Variants in LAMA1 observed in about 807,000 individuals in gnomAD.
The protein encoded by LAMA1 is laminin subunit alpha 1.
Under a neutral mutation model 348.7 loss-of-function variants are expected in LAMA1, and 219 were observed. The ratio of observed to expected loss-of-function variants is 0.63; its 90% CI spans 0.56 to 0.70. LAMA1 has a LOEUF of 0.70. LAMA1 is among the 30% of genes least tolerant of loss of function. The pLI, the probability that LAMA1 is intolerant of heterozygous loss-of-function variation, is 0.00. For missense variants in LAMA1, 3,744 were observed against 3,888.0 expected (o/e 0.96, Z 0.99); for synonymous variants, 1,487 against 1,491.0 (o/e 1.00, Z 0.06).
chr18:7,048,226 G>A (rs931993135), intron 5 of LAMA1, among the ~76,000 whole-genome samples: 1 of 152,062 alleles, frequency 6.6e-6, no homozygotes, highest in Non-Finnish European at 1.5e-5. Context: ...AAATCTGATC[G>A]TATACTAGTA....
rs1341166007 is a variant in LAMA1, at chr18:7,079,961, CT to C, written c.345+13del. The C allele has an allele frequency of 1.3e-6, 2 of 1,579,042 alleles. No homozygotes were observed. Among genetic ancestry groups the C allele is most frequent in the Non-Finnish European group, 1.7e-6 (2 of 1,148,202 alleles). ...AGCCTGTAGACACTCTTCAATGGTT[CT>C]GGGCTCACCTACCTGTCTTAAGTCC... is the stretch of plus-strand genomic sequence containing the variant. On this transcript the variant is annotated intron_variant, in intron 3 of 62. Transcript: ENST00000389658.
At chr18:7,003,452 A>G (rs1035558032) in intron 29 of LAMA1, among the ~76,000 whole-genome samples, 6 of 151,914 alleles carry the variant, frequency 3.9e-5, no homozygotes, top group South Asian at 2.1e-4. Context: ...TAGAGACAGG[A>G]TTTCACTGTG....
intron 3 of LAMA1, among the ~76,000 whole-genome samples, chr18:7,061,071 T>A (rs1267994420): frequency 6.6e-6 from 1 of 152,092 alleles, no homozygotes; most frequent in Non-Finnish European, 1.5e-5. Flanking sequence ...AGTGGGAGGA[T>A]CACTTGAGCC....
chr18:6,999,452 A>G lies in LAMA1; in HGVS notation c.4656T>C (p.Asp1552=). Reference sequence around the variant, plus strand: ...TAGAGGAGAAATACTCACAAACACAATCTGTTTCCATCAGAATGTGCCTCG... The same window carrying G: ...TAGAGGAGAAATACTCACAAACACAGTCTGTTTCCATCAGAATGTGCCTCG... The part of the protein sequence containing the change: ...CEPRHILMET[D]CVSCDDECVG... The change falls in exon 32 of 63, where the codon GAT becomes GAC. Residue 1552 remains aspartate, a synonymous_variant. Transcript: ENST00000389658. 1.2e-6 allele frequency: 2 copies of G among 1,614,108 alleles called. No individual in the cohort carries two copies. Among genetic ancestry groups the G allele is most frequent in the South Asian group, 2.2e-5 (2 of 91,072 alleles).
chr18:7,038,677 C>T, intron 11 of LAMA1, 133 bp downstream of exon 11: 1 of 1,228,878 alleles, frequency 8.1e-7, no homozygotes, highest in Non-Finnish European at 1.2e-6. Flanking sequence ...CTTTGACCCA[C>T]GTCAGTATCA....
chr18:7,080,940 C>T (rs866102007), intron 1 of LAMA1, among the ~76,000 whole-genome samples: 1 of 152,144 alleles, frequency 6.6e-6, no homozygotes, highest in Admixed American at 6.5e-5. Context: ...CAATTCACTT[C>T]GAAATGCACC....
At chr18:6,975,800 T>C in intron 45 of LAMA1, 137 bp downstream of exon 45, 2 of 997,384 alleles carry the variant, frequency 2.0e-6, no homozygotes, top group South Asian at 1.4e-5. Context: ...GCTACCATTT[T>C]AACAAAGGTT....
At chr18:7,109,432 A>G (rs1051524169) in intron 1 of LAMA1, among the ~76,000 whole-genome samples, 4 of 152,234 alleles carry the variant, frequency 2.6e-5, no homozygotes, top group Admixed American at 2.6e-4. Context: ...TCAAAAGAGG[A>G]CCGGATGGCA....
Position 7,015,811 on chromosome 18 carries a change from C to T in LAMA1, c.3037G>A (p.Glu1013Lys), listed in dbSNP as rs779107120. Residue 1013 changes from glutamate (E) to lysine (K), a missense_variant, in exon 22 of 63, where the codon GAG becomes AAG. Physicochemically the swap from Glu to Lys is moderately conservative, Grantham distance 56. Around this residue, in one of 3 missense-constraint regions of LAMA1, gnomAD observed 1,529 missense variants for 1,689.4 expected, o/e 0.91. Coordinates refer to ENST00000389658, the MANE Select transcript of LAMA1 (RefSeq NM_005559.4). ...TGTGTGTGAGGGGGGCAGACACACT[C>T]TCCAGTTTCTGGGTCGCAGGTATTC... ...TQNTCDPETG[E>K]CVCPPHTQGV... 10 of 1,614,056 alleles carry T rather than the reference C, an allele frequency of 6.2e-6. No individual in the cohort carries two copies. In the African/African-American group the frequency reaches 1.1e-4, roughly 17 times the overall value.
chr18:7,102,601 A>T (rs1469107547), intron 1 of LAMA1, among the ~76,000 whole-genome samples: 1 of 152,166 alleles, frequency 6.6e-6, no homozygotes, highest in Non-Finnish European at 1.5e-5. Flanking sequence ...CACAGCAATA[A>T]GTGGAGTGAT....
At chr18:7,052,904 C>T (rs549228780) in intron 3 of LAMA1, among the ~76,000 whole-genome samples, 5 of 151,940 alleles carry the variant, frequency 3.3e-5, no homozygotes, top group African/African-American at 9.7e-5. Flanking sequence ...GCCTGTAGTC[C>T]GACTACTCGG....
chr18:6,965,479 G>T (rs776260823), intron 49 of LAMA1, 47 bp from the exon 50 acceptor site: 3 of 1,608,588 alleles, frequency 1.9e-6, no homozygotes, highest in Non-Finnish European at 8.5e-7. Flanking sequence ...TTTATCCCAG[G>T]TTTCCCTTTC....
At position 7,002,343 on chromosome 18, in the gene LAMA1, T is replaced by A; in HGVS notation, c.4303A>T (p.Thr1435Ser). ...NTAGDHCDVCTSGYYGKVTGS... is the reference protein window; with the variant it reads ...NTAGDHCDVCSSGYYGKVTGS... ...GTCACCTTCCCGTAGTAGCCAGAAG[T>A]ACACACATCACAATGGTCACCTGCT... Residue 1435 changes from threonine to serine, a missense_variant, in exon 30 of 63, where the codon ACT becomes TCT. Around this residue, in one of 3 missense-constraint regions of LAMA1, gnomAD observed 1,983 missense variants for 1,934.3 expected, o/e 1.03. Coordinates refer to ENST00000389658, the MANE Select transcript of LAMA1 (RefSeq NM_005559.4). 6.2e-7 allele frequency: 1 copy of A among 1,613,798 alleles called. No homozygotes were observed. The highest frequency in any genetic ancestry group is 8.5e-7 in the Non-Finnish European group (1 of 1,180,026).
chr18:6,988,242 A>T (rs767379116), intron 36 of LAMA1, among the ~76,000 whole-genome samples: 3 of 152,236 alleles, frequency 2.0e-5, no homozygotes, highest in Non-Finnish European at 2.9e-5. Flanking sequence ...TCAACAAAAA[A>T]ACCCCACTCA....
Position 7,080,313 on chromosome 18 carries a change from C to T in LAMA1, c.206G>A (p.Cys69Tyr), listed in dbSNP as rs1555664690. 1 of 1,614,246 alleles carries T rather than the reference C, an allele frequency of 6.2e-7. No individual in the cohort carries two copies. The highest frequency in any genetic ancestry group is 1.7e-5 in the Admixed American group (1 of 60,028). ...TCTGGGGTTTGCGCTGTTGCCATCA[C>T]AGATCCGGCACTGTGGGTTTCGGAC... The part of the protein sequence containing the change: ...RPVRNPQCRI[C>Y]DGNSANPRER... The change falls in exon 2 of 63, where the codon TGT (cysteine) becomes TAT (tyrosine). Residue 69 changes from cysteine (C) to tyrosine (Y), a missense_variant. By Grantham distance (194) the Cys-to-Tyr change is radical. Transcript: ENST00000389658.
chr18:7,077,680 T>C (rs965549094), intron 3 of LAMA1, among the ~76,000 whole-genome samples: 4 of 152,052 alleles, frequency 2.6e-5, no homozygotes, highest in Admixed American at 1.3e-4. Context: ...AGGTCTTAAT[T>C]TGGCCAAACT....
At chr18:7,116,317 TAGAC>T (rs1350028239) in intron 1 of LAMA1, among the ~76,000 whole-genome samples, 2 of 152,212 alleles carry the variant, frequency 1.3e-5, no homozygotes, top group Non-Finnish European at 2.9e-5. Context: ...AGCAGCCTGA[TAGAC>T]AGGAGTCCCC....
chr18:7,036,889 G>A (rs190524014), intron 12 of LAMA1, among the ~76,000 whole-genome samples: 284 of 152,080 alleles, frequency 1.9e-3, no homozygotes, highest in African/African-American at 6.5e-3. Context: ...AGGTAAGCAG[G>A]GAGCTATAAT....
At chr18:7,094,614 C>T (rs1174411342) in intron 1 of LAMA1, among the ~76,000 whole-genome samples, 3 of 152,014 alleles carry the variant, frequency 2.0e-5, no homozygotes, top group Non-Finnish European at 4.4e-5. Context: ...ACTCTTCATC[C>T]AAGTCTTGGA....
Sources: allele counts gnomAD v4.1 joint callset (sites outside exome capture counted in the v4.1 genomes callset), GRCh38; gene constraint gnomAD v4.1.1; regional missense constraint gnomAD v4.1.1; transcripts MANE v1.5; gene names NCBI Gene and HGNC (gene_info 2026-07-23, HGNC 2026-07-21).